Variants in NLGN1 observed in about 807,000 individuals in gnomAD.
NLGN1 encodes the protein neuroligin 1, also known as neuroligin-1.
A neutral mutation model predicts 65.5 loss-of-function variants in NLGN1; 12 were observed. The ratio of observed to expected loss-of-function variants is 0.18; its 90% CI spans 0.12 to 0.30. The LOEUF (loss-of-function observed/expected upper bound fraction) is 0.30, where lower values mean the gene tolerates loss of function less well. Among genes scored for constraint, NLGN1 ranks in the 10% least tolerant of loss-of-function variants. The pLI is 1.00. For missense variants in NLGN1, 750 were observed against 1,007.1 expected, an observed-to-expected ratio of 0.74 and a Z score of 3.46; for synonymous variants, 350 against 359.5, an observed-to-expected ratio of 0.97 and a Z score of 0.30.
intron 4 of NLGN1, 49 bp from the exon 5 acceptor site, chr3:174,275,266 T>C (rs772678156): frequency 7.2e-7 from 1 of 1,392,674 alleles, no homozygotes; most frequent in Non-Finnish European, 1.0e-6. Context: ...TTGATGTCTA[T>C]TTGATTCACG....
intron 4 of NLGN1, among the ~76,000 whole-genome samples, chr3:173,904,412 C>G (rs1288635358): frequency 6.6e-6 from 1 of 152,016 alleles, no homozygotes; most frequent in Non-Finnish European, 1.5e-5. Flanking sequence ...CCTGGCTTCT[C>G]TCTTCTTAAC....
chr3:173,459,758 G>T (rs116680613), intron 2 of NLGN1, among the ~76,000 whole-genome samples: 1 of 152,008 alleles, frequency 6.6e-6, no homozygotes, highest in Non-Finnish European at 1.5e-5. Flanking sequence ...TATTTCAAGA[G>T]TCCTTATAAT....
At chr3:173,638,416 G>A (rs1269219511) in intron 3 of NLGN1, among the ~76,000 whole-genome samples, 1 of 150,998 alleles carries the variant, frequency 6.6e-6, no homozygotes, top group Non-Finnish European at 1.5e-5. Context: ...AAATTTGCAG[G>A]TGTGCAAGCC....
At chr3:173,890,420 C>T (rs1363554087) in intron 4 of NLGN1, among the ~76,000 whole-genome samples, 1 of 152,140 alleles carries the variant, frequency 6.6e-6, no homozygotes, top group African/African-American at 2.4e-5. Flanking sequence ...CAGAGATTCT[C>T]TTTGGTGCAA....
chr3:173,556,960 G>A (rs1054271065), intron 2 of NLGN1, among the ~76,000 whole-genome samples: 7 of 151,976 alleles, frequency 4.6e-5, no homozygotes, highest in African/African-American at 1.7e-4. Flanking sequence ...ATAATTTTTT[G>A]TGACTATATG....
intron 4 of NLGN1, among the ~76,000 whole-genome samples, chr3:173,954,421 A>G (rs925878483): frequency 8.5e-5 from 13 of 152,134 alleles, no homozygotes; most frequent in African/African-American, 3.1e-4. Context: ...TAGAAGTGTA[A>G]CTGCTGTCAT....
intron 2 of NLGN1, among the ~76,000 whole-genome samples, chr3:173,564,665 C>G (rs1313182800): frequency 6.6e-6 from 1 of 152,192 alleles, no homozygotes; most frequent in Admixed American, 6.5e-5. Flanking sequence ...ACTGTGAACC[C>G]TTGAGTTACT....
chr3:174,042,869 T>C (rs889086260), intron 4 of NLGN1, among the ~76,000 whole-genome samples: 1 of 152,304 alleles, frequency 6.6e-6, no homozygotes, highest in Non-Finnish European at 1.5e-5. Context: ...CCAACCAGTG[T>C]GCTATGATGC....
At chr3:174,238,064 C>A (rs369483674) in intron 4 of NLGN1, among the ~76,000 whole-genome samples, 1 of 152,162 alleles carries the variant, frequency 6.6e-6, no homozygotes, top group Non-Finnish European at 1.5e-5. Flanking sequence ...CAGTAGGTAT[C>A]TATGTAGATT....
intron 4 of NLGN1, among the ~76,000 whole-genome samples, chr3:173,880,973 G>A (rs1368056941): frequency 6.6e-6 from 1 of 151,964 alleles, no homozygotes; most frequent in African/African-American, 2.4e-5. Flanking sequence ...TATACCGGGA[G>A]TGGATTGCAT....
chr3:174,170,266 AT>A (rs1280884571), intron 4 of NLGN1, among the ~76,000 whole-genome samples: 1 of 152,036 alleles, frequency 6.6e-6, no homozygotes, highest in Non-Finnish European at 1.5e-5. Context: ...TCCATCAAAC[AT>A]TTCCCACCTC....
chr3:173,543,057 C>T (rs1739163075), intron 2 of NLGN1, among the ~76,000 whole-genome samples: 1 of 152,042 alleles, frequency 6.6e-6, no homozygotes, highest in Non-Finnish European at 1.5e-5. Context: ...TTTTATCTAG[C>T]TCTTTTGTTA....
chr3:173,705,840 T>G (rs1437626529), intron 3 of NLGN1, among the ~76,000 whole-genome samples: 1 of 152,122 alleles, frequency 6.6e-6, no homozygotes, highest in Non-Finnish European at 1.5e-5. Flanking sequence ...TTTTTTATAT[T>G]CAAAGTATGT....
At chr3:173,537,253 G>A (rs189385294) in intron 2 of NLGN1, among the ~76,000 whole-genome samples, 1 of 152,230 alleles carries the variant, frequency 6.6e-6, no homozygotes, top group Non-Finnish European at 1.5e-5. Context: ...ATCTCCTTAA[G>A]TCACACTTAA....
At chr3:173,539,634 A>AGATAGAG (rs778238799) in intron 2 of NLGN1, among the ~76,000 whole-genome samples, 1 of 131,592 alleles carries the variant, frequency 7.6e-6, no homozygotes. Context: ...TTATATATAC[A>AGATAGAG]CATATATACA....
intron 3 of NLGN1, among the ~76,000 whole-genome samples, chr3:173,718,193 A>G (rs973775613): frequency 6.6e-5 from 10 of 152,112 alleles, no homozygotes; most frequent in South Asian, 2.1e-4. Context: ...AATATACAAT[A>G]AATTATTGTT....
intron 4 of NLGN1, among the ~76,000 whole-genome samples, chr3:174,109,039 A>G (rs1430612026): frequency 6.6e-6 from 1 of 152,100 alleles, no homozygotes; most frequent in Non-Finnish European, 1.5e-5. Context: ...TAAATTTTAA[A>G]GAACTATTTG....
intron 4 of NLGN1, among the ~76,000 whole-genome samples, chr3:174,074,619 A>G (rs1453430491): frequency 6.6e-6 from 1 of 152,204 alleles, no homozygotes; most frequent in African/African-American, 2.4e-5. Flanking sequence ...TAAAGGATAG[A>G]AAGGGAAGCC....
intron 4 of NLGN1, among the ~76,000 whole-genome samples, chr3:173,919,988 T>A (rs1259264213): frequency 2.0e-5 from 3 of 152,026 alleles, no homozygotes; most frequent in Non-Finnish European, 2.9e-5. Flanking sequence ...TGCTATTTTT[T>A]AAAAAAATAT....
Sources: allele counts gnomAD v4.1 joint callset (sites outside exome capture counted in the v4.1 genomes callset), GRCh38; gene constraint gnomAD v4.1.1; transcripts MANE v1.5; gene names NCBI Gene and HGNC (gene_info 2026-07-23, HGNC 2026-07-21).